The following CCDC3 variants were observed in gnomAD, a reference collection of about 807,000 sequenced individuals.
The protein encoded by CCDC3 is coiled-coil domain containing 3, also known as coiled-coil domain-containing protein 3.
Under a neutral mutation model 21.4 loss-of-function variants are expected in CCDC3, and 24 were observed. The observed-to-expected ratio is 1.12, with a 90% CI of 0.81 to 1.58. The LOEUF (loss-of-function observed/expected upper bound fraction) is 1.58. Among genes scored for constraint, CCDC3 ranks in the 40% most tolerant of loss-of-function variants. The pLI is 0.00. For synonymous variants in CCDC3, 186 were observed against 166.0 expected, an observed-to-expected ratio of 1.12 and a Z score of -0.93; for missense variants, 425 against 360.9, an observed-to-expected ratio of 1.18 and a Z score of -1.44.
intron 2 of CCDC3, among the ~76,000 whole-genome samples, chr10:12,938,609 T>C (rs1252805117): frequency 6.6e-6 from 1 of 152,186 alleles, no homozygotes; most frequent in African/African-American, 2.4e-5. Context: ...TGAATAACAG[T>C]AGTCCTATCC....
At chr10:13,046,415 A>C (rs1836530831) in intron 5 of CCDC3, among the ~76,000 whole-genome samples, 4 of 108,530 alleles carry the variant, frequency 3.7e-5, no homozygotes, top group Admixed American at 3.5e-4. Flanking sequence ...CAAAAAAAGA[A>C]AAAAAAAAAG....
intron 5 of CCDC3, among the ~76,000 whole-genome samples, chr10:13,027,760 C>T (rs1836243902): frequency 6.6e-6 from 1 of 151,612 alleles, no homozygotes. Context: ...GTACTTTCCG[C>T]ACCTGAGCTC....
intron 3 of CCDC3, among the ~76,000 whole-genome samples, chr10:13,080,810 G>C (rs1056420424): frequency 6.6e-6 from 1 of 152,354 alleles, no homozygotes; most frequent in East Asian, 1.9e-4. Flanking sequence ...CCAGGCAGTT[G>C]TTAGACAGCA....
chr10:12,927,955 T>C (rs1834572212), intron 2 of CCDC3, among the ~76,000 whole-genome samples: 1 of 152,230 alleles, frequency 6.6e-6, no homozygotes, highest in Admixed American at 6.5e-5. Context: ...AGAGGCCCCC[T>C]GGGTAACAGA....
chr10:12,958,867 G>A (rs1340604962), intron 2 of CCDC3, among the ~76,000 whole-genome samples: 1 of 152,164 alleles, frequency 6.6e-6, no homozygotes, highest in Non-Finnish European at 1.5e-5. Flanking sequence ...CTCACTGCCT[G>A]GCTTAGGTCC....
chr10:12,898,800 A>G (rs1367972612), intron 2 of CCDC3, 121 bp from the exon 3 acceptor site: 2 of 1,176,112 alleles, frequency 1.7e-6, no homozygotes, highest in African/African-American at 1.5e-5. Context: ...TCCCCACCCC[A>G]GCATGGGCAT....
At chr10:13,036,968 A>G (rs1836385308) in intron 5 of CCDC3, among the ~76,000 whole-genome samples, 2 of 151,464 alleles carry the variant, frequency 1.3e-5, no homozygotes, top group Admixed American at 1.3e-4. Context: ...TATTTTTTGT[A>G]GAGATAGGGT....
At chr10:13,099,965 A>G (rs928038948), upstream of CCDC3, 2 of 141,556 alleles carry the variant, frequency 1.4e-5, no homozygotes, top group Non-Finnish European at 3.1e-5. Context: ...GAGGGTGGGT[A>G]GCTGGGGGCG....
intron 2 of CCDC3, among the ~76,000 whole-genome samples, chr10:12,937,405 A>G (rs1274159236): frequency 6.6e-6 from 1 of 152,090 alleles, no homozygotes; most frequent in Non-Finnish European, 1.5e-5. Flanking sequence ...AGTACCTGAG[A>G]TGTTGTCACC....
chr10:12,992,444 T>G (rs1245480926), intron 2 of CCDC3, among the ~76,000 whole-genome samples: 1 of 152,000 alleles, frequency 6.6e-6, no homozygotes, highest in African/African-American at 2.4e-5. Context: ...GAAAATGTAT[T>G]TTATATATGT....
upstream of CCDC3, among the ~76,000 whole-genome samples, chr10:13,004,243 G>T (rs1421725920): frequency 2.0e-5 from 3 of 150,460 alleles, no homozygotes; most frequent in African/African-American, 7.3e-5. Flanking sequence ...TTTCAGTGTG[G>T]TGACTCCCAA....
intron 4 of CCDC3, among the ~76,000 whole-genome samples, chr10:13,052,558 A>G (rs1222160334): frequency 6.6e-6 from 1 of 152,172 alleles, no homozygotes. Context: ...CTGCTGTACA[A>G]TGCTGCACCT....
At chr10:13,049,967 CAA>C (rs1364684873) in intron 4 of CCDC3, 1 of 152,206 alleles carries the variant, frequency 6.6e-6, no homozygotes, top group Admixed American at 6.5e-5. Flanking sequence ...AACACAGAAT[CAA>C]AGTGTTGCTC....
At chr10:13,083,041 G>C (rs754138546) in intron 3 of CCDC3, among the ~76,000 whole-genome samples, 9 of 152,090 alleles carry the variant, frequency 5.9e-5, no homozygotes, top group Non-Finnish European at 1.3e-4. Flanking sequence ...CATCTTTCAA[G>C]ACCAATTTTA....
At chr10:13,068,252 C>T (rs61851365) in intron 4 of CCDC3, among the ~76,000 whole-genome samples, 28,997 of 151,942 alleles carry the variant, frequency 0.19, 3,459 homozygotes, top group East Asian at 0.29. Flanking sequence ...AGGCAACACC[C>T]GGAAGCCAAT....
chr10:12,958,152 C>T (rs1367566895), intron 2 of CCDC3, among the ~76,000 whole-genome samples: 1 of 152,064 alleles, frequency 6.6e-6, no homozygotes, highest in Non-Finnish European at 1.5e-5. Flanking sequence ...TATAAATTAC[C>T]CAGTCTCAGA....
At chr10:12,939,040 C>T (rs886195193) in intron 2 of CCDC3, among the ~76,000 whole-genome samples, 2 of 152,236 alleles carry the variant, frequency 1.3e-5, no homozygotes, top group African/African-American at 4.8e-5. Flanking sequence ...GCATCCACTA[C>T]AAATTCAGAA....
At position 12,898,534 on chromosome 10, in the gene CCDC3, C is replaced by T. The variant is rs372671923; in HGVS notation, c.695G>A (p.Arg232His). 4.3e-6 allele frequency: 7 copies of T among 1,614,074 alleles called. No homozygotes were observed. The highest frequency in any genetic ancestry group is 1.1e-5 in the South Asian group (1 of 91,090). The change falls in exon 3 of 3, where the codon CGT (arginine) becomes CAT (histidine). Residue 232 changes from arginine to histidine, a missense_variant. Coordinates refer to ENST00000378825, the MANE Select transcript of CCDC3 (RefSeq NM_031455.4). ...KKVKRSLRQA[R>H]KKGRHLELAN... ...CAGCTCCAGGTGGCGGCCCTTCTTA[C>T]GCGCCTGCCGCAAGGACCTCTTGAC...
chr10:13,050,619 C>T (rs1836593460), intron 4 of CCDC3, among the ~76,000 whole-genome samples: 1 of 151,934 alleles, frequency 6.6e-6, no homozygotes, highest in Non-Finnish European at 1.5e-5. Flanking sequence ...CGCCACCATG[C>T]CCAGCTAATT....
Sources: allele counts gnomAD v4.1 joint callset (sites outside exome capture counted in the v4.1 genomes callset), GRCh38; gene constraint gnomAD v4.1.1; transcripts MANE v1.5; gene names NCBI Gene and HGNC (gene_info 2026-07-23, HGNC 2026-07-21).